Variants in HS2ST1 observed in about 807,000 individuals in gnomAD.
HS2ST1 encodes heparan sulfate 2-O-sulfotransferase 1, also known as 2-O-sulfotransferase.
Under a neutral mutation model 42.9 loss-of-function variants are expected in HS2ST1, and 18 were observed. The observed-to-expected ratio is 0.42, with a 90% confidence interval of 0.29 to 0.62. The LOEUF (loss-of-function observed/expected upper bound fraction) is 0.62. Ranked by LOEUF, HS2ST1 falls within the 20% of genes least tolerant of loss-of-function variation. HS2ST1 has a pLI of 0.21. For missense variants in HS2ST1, 334 were observed against 433.8 expected (o/e 0.77, Z 2.04); for synonymous variants, 146 against 152.9 (o/e 0.95, Z 0.33).
chr1:86,952,989 C>A (rs1647569096), intron 1 of HS2ST1, among the ~76,000 whole-genome samples: 1 of 151,994 alleles, frequency 6.6e-6, no homozygotes, highest in South Asian at 2.1e-4. Context: ...CCATCTTCTT[C>A]CAGTACAATG....
intron 3 of HS2ST1, among the ~76,000 whole-genome samples, chr1:87,088,806 T>G (rs1298789360): frequency 2.0e-5 from 3 of 151,952 alleles, no homozygotes; most frequent in African/African-American, 7.2e-5. Flanking sequence ...TAAATTACTT[T>G]AAAAATATTT....
chr1:87,015,865 A>G (rs939254734), intron 1 of HS2ST1, among the ~76,000 whole-genome samples: 1 of 151,454 alleles, frequency 6.6e-6, no homozygotes, highest in Admixed American at 6.6e-5. Context: ...TCACCAGGCT[A>G]GAGTACAGTG....
Position 87,084,207 on chromosome 1 carries a change from A to G in HS2ST1, c.377A>G (p.Lys126Arg). 1 of 1,596,192 alleles carries G rather than the reference A, an allele frequency of 6.3e-7. No homozygotes were observed. Among genetic ancestry groups the G allele is most frequent in the South Asian group, 1.2e-5 (1 of 86,828 alleles). Reference protein sequence around the residue: ...MSLQDQVRFVKNITSWKEMKP... With the variant: ...MSLQDQVRFVRNITSWKEMKP... ...CTCCCTTTTTAGGTGCGCTTTGTAA[A>G]GAATATAACTTCCTGGAAAGAGATG... is the stretch of plus-strand genomic sequence containing the variant. The change falls in exon 3 of 7, where the codon AAG becomes AGG. Residue 126 changes from lysine (K) to arginine (R), a missense_variant. Coordinates refer to ENST00000370550, the MANE Select transcript of HS2ST1 (RefSeq NM_012262.4).
At chr1:87,096,822 T>C (rs1652080388) in intron 4 of HS2ST1, among the ~76,000 whole-genome samples, 1 of 152,242 alleles carries the variant, frequency 6.6e-6, no homozygotes, top group South Asian at 2.1e-4. Flanking sequence ...TTTATTCATT[T>C]TGAGAAAATA....
intron 1 of HS2ST1, among the ~76,000 whole-genome samples, chr1:86,941,569 G>T (rs1660764104): frequency 6.6e-6 from 1 of 151,882 alleles, no homozygotes; most frequent in Non-Finnish European, 1.5e-5. Flanking sequence ...GTCAGGAGTT[G>T]AAGACCAGCC....
chr1:87,018,064 C>G (rs944793333), intron 1 of HS2ST1, among the ~76,000 whole-genome samples: 2 of 151,818 alleles, frequency 1.3e-5, no homozygotes, highest in Non-Finnish European at 2.9e-5. Context: ...GTTTGGAATT[C>G]TAGCTGAGTG....
chr1:87,003,471 TA>T (rs1177289945), intron 1 of HS2ST1, among the ~76,000 whole-genome samples: 1 of 152,216 alleles, frequency 6.6e-6, no homozygotes, highest in Non-Finnish European at 1.5e-5. Context: ...ACGTTACCAT[TA>T]ACCTATTTAA....
intron 1 of HS2ST1, chr1:86,956,389 G>GA (rs1647678670): frequency 6.6e-6 from 1 of 152,202 alleles, no homozygotes; most frequent in Admixed American, 6.5e-5. Flanking sequence ...GCCTGAAAAG[G>GA]AATCAGTTAA....
At chr1:86,996,915 A>G (rs1387431194) in intron 1 of HS2ST1, among the ~76,000 whole-genome samples, 1 of 152,230 alleles carries the variant, frequency 6.6e-6, no homozygotes, top group African/African-American at 2.4e-5. Flanking sequence ...TGTGTTGAGT[A>G]CTTTGTATCA....
chr1:86,914,998 G>GC lies in HS2ST1; in HGVS notation c.-33dup, dbSNP rs756631153. On this transcript the variant is annotated 5_prime_UTR_variant, in exon 1 of 7. Coordinates refer to ENST00000370550, the MANE Select transcript of HS2ST1 (RefSeq NM_012262.4). ...TCTCGCCTCCGGGGTCCCGCTCCCC[G>GC]CCCCCCGCGGTATGTCTTGATCCCG... 5.0e-6 allele frequency: 8 copies of GC among 1,611,208 alleles called. No individual in the cohort carries two copies. The highest frequency in any genetic ancestry group is 1.3e-5 in the African/African-American group (1 of 74,826).
At chr1:87,098,815 T>C (rs1374074059) in intron 5 of HS2ST1, among the ~76,000 whole-genome samples, 1 of 152,168 alleles carries the variant, frequency 6.6e-6, no homozygotes, top group East Asian at 1.9e-4. Flanking sequence ...AGAATCTCAC[T>C]CTATCACACA....
intron 1 of HS2ST1, among the ~76,000 whole-genome samples, chr1:86,927,632 G>C (rs1423726222): frequency 6.6e-6 from 1 of 152,150 alleles, no homozygotes; most frequent in African/African-American, 2.4e-5. Flanking sequence ...TGACTATAAA[G>C]AGTGATCAGA....
intron 1 of HS2ST1, among the ~76,000 whole-genome samples, chr1:86,963,876 CG>C (rs1037938091): frequency 6.8e-6 from 1 of 147,592 alleles, no homozygotes; most frequent in African/African-American, 2.5e-5. Flanking sequence ...GCTGGCCGGG[CG>C]GGGCGGCTGG....
intron 5 of HS2ST1, among the ~76,000 whole-genome samples, chr1:87,101,991 C>T (rs895660683): frequency 2.6e-5 from 4 of 152,126 alleles, no homozygotes; most frequent in Non-Finnish European, 5.9e-5. Flanking sequence ...GAAGTGCGAG[C>T]AGGCACATCA....
At chr1:86,919,928 C>T (rs1311650285) in intron 1 of HS2ST1, among the ~76,000 whole-genome samples, 1 of 152,090 alleles carries the variant, frequency 6.6e-6, no homozygotes, top group Admixed American at 6.6e-5. Context: ...GACAGGGAAT[C>T]CAAATGAAAA....
intron 6 of HS2ST1, among the ~76,000 whole-genome samples, chr1:87,104,081 AAC>A (rs1414926872): frequency 6.6e-6 from 1 of 152,186 alleles, no homozygotes; most frequent in Non-Finnish European, 1.5e-5. Flanking sequence ...CCTAGCTTCT[AAC>A]ACATAATTTT....
At chr1:87,016,037 G>C (rs545360001) in intron 1 of HS2ST1, among the ~76,000 whole-genome samples, 1 of 151,766 alleles carries the variant, frequency 6.6e-6, no homozygotes, top group African/African-American at 2.4e-5. Flanking sequence ...GGATGATCCC[G>C]ATCTCCTGAC....
intron 1 of HS2ST1, among the ~76,000 whole-genome samples, chr1:86,984,071 C>A (rs1399097671): frequency 1.3e-5 from 2 of 151,692 alleles, no homozygotes; most frequent in African/African-American, 4.8e-5. Flanking sequence ...TTAGTAATAA[C>A]CATTTATTAG....
chr1:86,993,148 A>G (rs751379325), intron 1 of HS2ST1: 9 of 1,596,656 alleles, frequency 5.6e-6, no homozygotes, highest in South Asian at 1.1e-5. Context: ...TTGGGGTAGC[A>G]TGTCCTAAAC....
Sources: allele counts gnomAD v4.1 joint callset (sites outside exome capture counted in the v4.1 genomes callset), GRCh38; gene constraint gnomAD v4.1.1; transcripts MANE v1.5; gene names NCBI Gene and HGNC (gene_info 2026-07-23, HGNC 2026-07-21).